Variants in FAM135A observed in about 807,000 individuals in gnomAD.
FAM135A encodes protein FAM135A.
Under a neutral mutation model 146.8 loss-of-function variants are expected in FAM135A, and 79 were observed. The observed-to-expected ratio is 0.54, with a 90% CI of 0.45 to 0.65. The LOEUF is 0.65. FAM135A is among the 30% of genes least tolerant of loss of function. The pLI is 0.00. For missense variants in FAM135A, 1,623 were observed against 1,758.2 expected (o/e 0.92, Z 1.38); for synonymous variants, 562 against 603.6 (o/e 0.93, Z 1.01).
chr6:70,557,012 C>G (rs1199775433), intron 21 of FAM135A, 149 bp downstream of exon 21: 26 of 636,250 alleles, frequency 4.1e-5, no homozygotes, highest in Non-Finnish European at 7.3e-5. Context: ...GTCCTTTTTC[C>G]ATTCTTCTCA....
intron 2 of FAM135A, among the ~76,000 whole-genome samples, chr6:70,422,227 C>G (rs528705179): frequency 6.6e-6 from 1 of 152,126 alleles, no homozygotes; most frequent in African/African-American, 2.4e-5. Flanking sequence ...GATAGTGTTA[C>G]GCCAGCAAGA....
At chr6:70,483,849 A>G (rs1562499564) in intron 10 of FAM135A, among the ~76,000 whole-genome samples, 1 of 152,186 alleles carries the variant, frequency 6.6e-6, no homozygotes, top group Non-Finnish European at 1.5e-5. Flanking sequence ...GTGGAATACT[A>G]CAGTAGTTTC....
intron 12 of FAM135A, among the ~76,000 whole-genome samples, chr6:70,506,247 A>G (rs1789744385): frequency 6.6e-6 from 1 of 152,158 alleles, no homozygotes; most frequent in Admixed American, 6.5e-5. Context: ...AAGGCAGTCC[A>G]CCTCTATAAA....
At chr6:70,475,346 A>C in intron 5 of FAM135A, 64 bp from the exon 6 acceptor site, 1 of 1,296,346 alleles carries the variant, frequency 7.7e-7, no homozygotes, top group Non-Finnish European at 1.1e-6. Context: ...TTAAAGTACA[A>C]GTGTTAATTT....
In FAM135A at chr6:70,472,599, C is replaced by T. The variant is rs143810019; in HGVS notation, c.158-2811C>T. Among the ~76,000 whole-genome samples, 857 of 152,298 alleles carry T rather than the reference C, an allele frequency of 5.6e-3. 3 individuals are homozygous for T. Among genetic ancestry groups the T allele is most frequent in the Non-Finnish European group, 8.2e-3 (557 of 68,010 alleles). On this transcript the variant is annotated intron_variant, in intron 5 of 21. Transcript: ENST00000418814. Reference sequence around the variant, plus strand: ...TATCCATAGCCCCATTCAGGTTTTGCTGGTTGTTCCAGTAAAGTCCTTTAT... The same window carrying T: ...TATCCATAGCCCCATTCAGGTTTTGTTGGTTGTTCCAGTAAAGTCCTTTAT...
At position 70,525,767 on chromosome 6, in the gene FAM135A, C is replaced by T; in HGVS notation, c.2683C>T (p.Gln895Ter). The T allele has an allele frequency of 1.2e-6, 2 of 1,613,372 alleles. No individual in the cohort carries two copies. The highest frequency in any genetic ancestry group is 1.7e-6 in the Non-Finnish European group (2 of 1,179,614). Residue 895 changes from glutamine to a stop codon, truncating the protein, a stop_gained, in exon 15 of 22, where the codon CAG becomes TAG. Coordinates refer to ENST00000418814, the MANE Select transcript of FAM135A (RefSeq NM_001162529.3). LOFTEE classifies it high-confidence loss of function. ...AAAGTCAAGTATCACTTTGCAACAG[C>T]AGAGTGTTGTATTTTCAGGGAACTT... ...TKKSSITLQQQSVVFSGNLDN... is the reference protein window; with the variant it reads ...TKKSSITLQQ
chr6:70,482,896 A>G, intron 10 of FAM135A, among the ~76,000 whole-genome samples: 1 of 151,302 alleles, frequency 6.6e-6, no homozygotes, highest in Non-Finnish European at 1.5e-5. Context: ...GCTTATAAAA[A>G]TATATTTTAA....
intron 20 of FAM135A, among the ~76,000 whole-genome samples, chr6:70,544,033 C>T (rs1028808613): frequency 6.6e-6 from 1 of 150,838 alleles, no homozygotes; most frequent in African/African-American, 2.4e-5. Flanking sequence ...AGTAGTATCT[C>T]ATAAGATTAT....
intron 10 of FAM135A, among the ~76,000 whole-genome samples, chr6:70,489,697 C>T (rs1183174925): frequency 6.6e-6 from 1 of 152,142 alleles, no homozygotes; most frequent in African/African-American, 2.4e-5. Context: ...GAGGAGGTGT[C>T]ACTTGCAATC....
intron 11 of FAM135A, among the ~76,000 whole-genome samples, chr6:70,492,627 CAT>C (rs528467980): frequency 1.7e-3 from 244 of 146,968 alleles, no homozygotes; most frequent in African/African-American, 5.4e-3. Context: ...AACATGCTCT[CAT>C]GTATCAATTT....
At chr6:70,415,724 G>C (rs1004190491) in intron 2 of FAM135A, among the ~76,000 whole-genome samples, 1 of 152,054 alleles carries the variant, frequency 6.6e-6, no homozygotes, top group African/African-American at 2.4e-5. Context: ...TTAGTGAGTT[G>C]GTTCCTGTGC....
rs117009379 is a variant in FAM135A at position 70,534,936 on chromosome 6, G to T, written c.3965+1082G>T. 8.5e-4 allele frequency among the ~76,000 whole-genome samples: 130 copies of T among 152,186 alleles called. 2 individuals carry two copies. The East Asian group carries it at 0.023, about 27-fold the overall frequency. ...TGTTAAAATATGGGAGAAGGTTCAGGTTTGTTGTTTGGAGGAAGAGATTAT... is the reference window on the plus strand; with the variant it reads ...TGTTAAAATATGGGAGAAGGTTCAGTTTTGTTGTTTGGAGGAAGAGATTAT... On this transcript the variant is annotated intron_variant, in intron 18 of 21. Transcript: ENST00000418814.
At chr6:70,487,041 C>CCACTG (rs1450612770) in intron 10 of FAM135A, among the ~76,000 whole-genome samples, 8 of 139,920 alleles carry the variant, frequency 5.7e-5, no homozygotes, top group Middle Eastern at 3.6e-3. Context: ...CAAGATCGTG[C>CCACTG]CACTGCACTC....
intron 20 of FAM135A, among the ~76,000 whole-genome samples, chr6:70,542,019 C>G (rs1385629654): frequency 6.6e-6 from 1 of 152,152 alleles, no homozygotes; most frequent in Non-Finnish European, 1.5e-5. Context: ...AAACTGGTTA[C>G]CCTGCCACAT....
At chr6:70,414,699 C>T (rs189033420) in intron 1 of FAM135A, among the ~76,000 whole-genome samples, 8 of 152,174 alleles carry the variant, frequency 5.3e-5, no homozygotes, top group Admixed American at 2.0e-4. Context: ...CTTTCTTTAC[C>T]GGTTGGTGGA....
At chr6:70,419,182 A>G (rs1453012116) in intron 2 of FAM135A, among the ~76,000 whole-genome samples, 2 of 152,176 alleles carry the variant, frequency 1.3e-5, no homozygotes, top group Non-Finnish European at 2.9e-5. Context: ...GCACTTTGGG[A>G]GGCCGAGGCA....
At chr6:70,450,132 G>A (rs1434529513) in intron 4 of FAM135A, among the ~76,000 whole-genome samples, 1 of 152,044 alleles carries the variant, frequency 6.6e-6, no homozygotes, top group East Asian at 1.9e-4. Context: ...TGAGTTGTTT[G>A]AATTCCTTGT....
Position 70,482,565 on chromosome 6 carries a change from A to G in FAM135A, c.823+411A>G, listed in dbSNP as rs535461777. ...CATTTTTGTTTACATTTGATTTTAT[A>G]ATAGTTATCTCAGATCTCAAATTCC... On this transcript the variant is annotated intron_variant, in intron 10 of 21. Coordinates refer to ENST00000418814, the MANE Select transcript of FAM135A (RefSeq NM_001162529.3). 1.6e-4 allele frequency among the ~76,000 whole-genome samples: 25 copies of G among 152,308 alleles called. 2 individuals carry two copies. In the South Asian group the frequency reaches 4.6e-3, roughly 28 times the overall value.
chr6:70,501,308 C>T (rs1582587083), intron 11 of FAM135A, among the ~76,000 whole-genome samples: 1 of 152,184 alleles, frequency 6.6e-6, no homozygotes, highest in Admixed American at 6.5e-5. Context: ...TGGAAAACCA[C>T]CTACTAAAGC....
Sources: allele counts gnomAD v4.1 joint callset (sites outside exome capture counted in the v4.1 genomes callset), GRCh38; gene constraint gnomAD v4.1.1; transcripts MANE v1.5; gene names NCBI Gene and HGNC (gene_info 2026-07-23, HGNC 2026-07-21).